Variants in TMEM154 observed in about 807,000 individuals in gnomAD.
The protein encoded by TMEM154 is transmembrane protein 154.
TMEM154 carries 27 observed loss-of-function variants against 24.5 expected under a neutral mutation model. The observed-to-expected ratio is 1.10, with a 90% confidence interval of 0.81 to 1.52. The LOEUF (loss-of-function observed/expected upper bound fraction) is 1.52, where lower values mean the gene tolerates loss of function less well. TMEM154 is among the 40% of genes most tolerant of loss of function. TMEM154 has a pLI of 0.00. For missense variants in TMEM154, 228 were observed against 213.4 expected (o/e 1.07, Z -0.43); for synonymous variants, 67 against 76.8 (o/e 0.87, Z 0.67).
intron 6 of TMEM154, among the ~76,000 whole-genome samples, chr4:152,630,973 T>G (rs1752028350): frequency 6.6e-6 from 1 of 152,352 alleles, no homozygotes; most frequent in South Asian, 2.1e-4. Context: ...ATTGTCTCAC[T>G]AAATCAAAAA....
At chr4:152,674,215 A>C (rs1185319430) in intron 1 of TMEM154, among the ~76,000 whole-genome samples, 1 of 152,110 alleles carries the variant, frequency 6.6e-6, no homozygotes, top group Non-Finnish European at 1.5e-5. Flanking sequence ...TTCCTCAACA[A>C]AGGTGTGGGC....
intron 1 of TMEM154, among the ~76,000 whole-genome samples, chr4:152,663,692 G>T (rs1033539934): frequency 6.6e-6 from 1 of 152,218 alleles, no homozygotes; most frequent in African/African-American, 2.4e-5. Flanking sequence ...AGATAATGTA[G>T]CATTTTAAAG....
rs749389679 is a variant in TMEM154, at chr4:152,627,298, A to G, written c.*1248T>C. On this transcript the variant is annotated 3_prime_UTR_variant, in exon 7 of 7. Coordinates refer to ENST00000304385, the MANE Select transcript of TMEM154 (RefSeq NM_152680.3). ...ATCTCCCTTCGGTTTATATGTGGGT[A>G]GTAAAATAAATAAAATTTTCCTTCT... 1 of 152,248 alleles carries G rather than the reference A, an allele frequency of 6.6e-6. No homozygotes were observed. Among genetic ancestry groups the G allele is most frequent in the Non-Finnish European group, 1.5e-5 (1 of 68,042 alleles). 9.4% of individuals were successfully genotyped at this position (152,248 alleles called of 1,614,324 possible). A position where few individuals can be genotyped will look rare whatever the true frequency, so the allele number is the denominator to read the frequency against.
intron 1 of TMEM154, among the ~76,000 whole-genome samples, chr4:152,678,606 T>C (rs978271791): frequency 3.9e-5 from 6 of 152,248 alleles, no homozygotes; most frequent in African/African-American, 1.4e-4. Context: ...AAGAGCTGAC[T>C]AGCAGCAAGA....
intron 4 of TMEM154, among the ~76,000 whole-genome samples, chr4:152,643,889 G>A (rs1224379271): frequency 6.6e-6 from 1 of 151,996 alleles, no homozygotes; most frequent in Admixed American, 6.6e-5. Context: ...TCTGAGTGGA[G>A]GCTTGTTTTT....
rs956577414 is a variant in TMEM154 at position 152,620,314 on chromosome 4, T to G, written c.*8232A>C. The G allele has an allele frequency of 3.9e-5, 6 of 152,176 alleles. No individual in the cohort carries two copies. Among genetic ancestry groups the G allele is most frequent in the Non-Finnish European group, 8.8e-5 (6 of 68,034 alleles). 9.4% of individuals were successfully genotyped at this position (152,176 alleles called of 1,614,324 possible). A position where few individuals can be genotyped will look rare whatever the true frequency, so the allele number is the denominator to read the frequency against. ...CCAAACCTTTACCAGCACTTAGATT[T>G]TAAAACTAGGCTTTTTACTTATCAC... On this transcript the variant is annotated 3_prime_UTR_variant, in exon 7 of 7. Transcript: ENST00000304385.
At chr4:152,675,027 GC>G (rs1436193939) in intron 1 of TMEM154, among the ~76,000 whole-genome samples, 1 of 151,880 alleles carries the variant, frequency 6.6e-6, no homozygotes, top group African/African-American at 2.4e-5. Flanking sequence ...GTGGTGGCAT[GC>G]GCCTATAATC....
chr4:152,663,878 A>G (rs1305382030), intron 1 of TMEM154, among the ~76,000 whole-genome samples: 2 of 152,250 alleles, frequency 1.3e-5, no homozygotes, highest in Non-Finnish European at 1.5e-5. Flanking sequence ...TCTTTCACAC[A>G]TCTGGTGAGG....
intron 1 of TMEM154, among the ~76,000 whole-genome samples, chr4:152,659,599 T>C (rs180730000): frequency 2.1e-4 from 32 of 152,368 alleles, no homozygotes; most frequent in Non-Finnish European, 4.3e-4. Flanking sequence ...TTATAGATTC[T>C]ATCCATGCAA....
Position 152,628,429 on chromosome 4 carries a change from T to C in TMEM154, c.*117A>G. On this transcript the variant is annotated 3_prime_UTR_variant, in exon 7 of 7. Coordinates refer to ENST00000304385, the MANE Select transcript of TMEM154 (RefSeq NM_152680.3). Reference sequence around the variant, plus strand: ...CGTTGGAAGAAACAGCAAAAGGTTCTTGTGTCTATGTTGATTTGAAATTAA... The same window carrying C: ...CGTTGGAAGAAACAGCAAAAGGTTCCTGTGTCTATGTTGATTTGAAATTAA... 1 of 1,520,196 alleles carries C rather than the reference T, an allele frequency of 6.6e-7. No homozygotes were observed. Among genetic ancestry groups the C allele is most frequent in the Non-Finnish European group, 9.0e-7 (1 of 1,107,688 alleles). 94.2% of individuals were successfully genotyped at this position (1,520,196 alleles called of 1,614,324 possible). A position where few individuals can be genotyped will look rare whatever the true frequency, so the allele number is the denominator to read the frequency against.
chr4:152,658,829 A>T (rs1579528095), intron 1 of TMEM154, among the ~76,000 whole-genome samples: 1 of 145,750 alleles, frequency 6.9e-6, no homozygotes, highest in Non-Finnish European at 1.5e-5. Context: ...AAAAAAAAAA[A>T]GGTTATTGTT....
In TMEM154 at chr4:152,641,974, G is replaced by A. The variant is rs570190955; in HGVS notation, c.479-989C>T. Among the ~76,000 whole-genome samples, 5 of 130,636 alleles carry A rather than the reference G, an allele frequency of 3.8e-5. No individual in the cohort carries two copies. In the South Asian group the frequency reaches 1.2e-3, roughly 32 times the overall value. The allele number at this position is 130,636 out of a possible 152,430, so 85.7% of individuals were successfully genotyped here. A position where few individuals can be genotyped will look rare whatever the true frequency, so the allele number is the denominator to read the frequency against. On this transcript the variant is annotated intron_variant, in intron 5 of 6. Coordinates refer to ENST00000304385, the MANE Select transcript of TMEM154 (RefSeq NM_152680.3). ...GTCTCGCTCTGTCACCCAGGCTGGA[G>A]TGCAGTGGCACAATCTCGGCTCACT... is the stretch of plus-strand genomic sequence containing the variant.
intron 1 of TMEM154, among the ~76,000 whole-genome samples, chr4:152,653,838 A>T (rs1728439064): frequency 6.6e-6 from 1 of 151,320 alleles, no homozygotes; most frequent in Admixed American, 6.6e-5. Flanking sequence ...CAGGAGTTCG[A>T]GACCAGCCTG....
chr4:152,628,600 AAC>A lies in TMEM154; in HGVS notation c.537-41_537-40del, dbSNP rs759606877. 4.0e-4 allele frequency: 394 copies of A among 987,396 alleles called. 4 individuals are homozygous for A. The highest frequency in any genetic ancestry group is 8.5e-4 in the East Asian group (19 of 22,402). 61.2% of individuals were successfully genotyped at this position (987,396 alleles called of 1,614,324 possible). The stretch of plus-strand genomic sequence containing the variant: ...AAAAAAAAAAAAAAAAAACAAAAAA[AAC>A]ACACACACACACACAAAACAGTAAT... On this transcript the variant is annotated intron_variant, in intron 6 of 6. Coordinates refer to ENST00000304385, the MANE Select transcript of TMEM154 (RefSeq NM_152680.3).
At chr4:152,653,892 A>G (rs1189462706) in intron 1 of TMEM154, among the ~76,000 whole-genome samples, 2 of 151,616 alleles carry the variant, frequency 1.3e-5, no homozygotes, top group Admixed American at 6.6e-5. Flanking sequence ...TACAAAAATT[A>G]GCTGGGCGTG....
rs747613909 is a variant in TMEM154 at position 152,628,565 on chromosome 4, TAA to T, written c.537-6_537-5del. 339 of 518,404 alleles carry T rather than the reference TAA, an allele frequency of 6.5e-4. No homozygotes were observed. The highest frequency in any genetic ancestry group is 1.6e-3 in the African/African-American group (18 of 11,550). 32.1% of individuals were successfully genotyped at this position (518,404 alleles called of 1,614,324 possible). A position where few individuals can be genotyped will look rare whatever the true frequency, so the allele number is the denominator to read the frequency against. ...TCAGGTTTAGGATTCACTGTCACTGTAAAAAAAAAAAAAAAAAAAAAAAAAAA... is the reference window on the plus strand; with the variant it reads ...TCAGGTTTAGGATTCACTGTCACTGTAAAAAAAAAAAAAAAAAAAAAAAAA... On this transcript the variant is annotated splice_region_variant and splice_polypyrimidine_tract_variant and intron_variant, in intron 6 of 6. Coordinates refer to ENST00000304385, the MANE Select transcript of TMEM154 (RefSeq NM_152680.3).
At chr4:152,641,237 G>A (rs899505501) in intron 5 of TMEM154, 2 of 438,812 alleles carry the variant, frequency 4.6e-6, no homozygotes, top group Non-Finnish European at 8.0e-6. Flanking sequence ...ATCACTGCTT[G>A]GTTATTCTGT....
At chr4:152,674,128 C>T (rs544775958) in intron 1 of TMEM154, among the ~76,000 whole-genome samples, 1 of 151,920 alleles carries the variant, frequency 6.6e-6, no homozygotes, top group East Asian at 1.9e-4. Context: ...AAGAAAATAC[C>T]TAAGGCTTAG....
chr4:152,628,684 T>A, intron 6 of TMEM154, 123 bp from the exon 7 acceptor site: 1 of 1,208,162 alleles, frequency 8.3e-7, no homozygotes, highest in Non-Finnish European at 1.1e-6. Flanking sequence ...TCGCCCAGGC[T>A]GGAGCGCAGT....
Sources: gnomAD v4.1 joint callset for allele counts (sites outside exome capture counted in the v4.1 genomes callset) on GRCh38, gnomAD v4.1.1 for gene constraint, MANE v1.5 for transcripts, NCBI Gene and HGNC (gene_info 2026-07-23, HGNC 2026-07-21) for gene names.